Variants in GALNT17 observed in about 807,000 individuals in gnomAD.
GALNT17 encodes the protein polypeptide N-acetylgalactosaminyltransferase 17.
GALNT17 carries 29 observed loss-of-function variants against 63.7 expected under a neutral mutation model. That is an observed-to-expected ratio of 0.46 (90% CI 0.34 to 0.62). The LOEUF is 0.62. Ranked by LOEUF, GALNT17 falls within the 20% of genes least tolerant of loss-of-function variation. The pLI, the probability that GALNT17 is intolerant of heterozygous loss-of-function variation, is 0.01. For missense variants in GALNT17, 603 were observed against 799.6 expected (o/e 0.75, Z 2.97); for synonymous variants, 305 against 318.3 (o/e 0.96, Z 0.45).
intron 2 of GALNT17, among the ~76,000 whole-genome samples, chr7:71,367,386 G>T (rs758826899): frequency 1.3e-5 from 2 of 152,170 alleles, no homozygotes; most frequent in Non-Finnish European, 2.9e-5. Context: ...ATGTGTGCAG[G>T]GGAGGTGGGA....
intron 1 of GALNT17, among the ~76,000 whole-genome samples, chr7:71,303,096 C>T (rs1321268080): frequency 6.6e-6 from 1 of 151,972 alleles, no homozygotes; most frequent in Non-Finnish European, 1.5e-5. Context: ...ATCTCCTGAC[C>T]TCATGATCCA....
At chr7:71,696,874 T>C (rs1791553539) in intron 9 of GALNT17, among the ~76,000 whole-genome samples, 1 of 152,142 alleles carries the variant, frequency 6.6e-6, no homozygotes, top group South Asian at 2.1e-4. Context: ...TAATGCTGGA[T>C]AAAAATGGGT....
At chr7:71,525,448 T>C (rs1788607861) in intron 5 of GALNT17, among the ~76,000 whole-genome samples, 1 of 152,130 alleles carries the variant, frequency 6.6e-6, no homozygotes, top group South Asian at 2.1e-4. Context: ...CCTCATGATC[T>C]GCCCTCCTCG....
At chr7:71,652,498 G>C (rs1790767880) in intron 6 of GALNT17, among the ~76,000 whole-genome samples, 1 of 152,148 alleles carries the variant, frequency 6.6e-6, no homozygotes, top group South Asian at 2.1e-4. Flanking sequence ...ATTTTCAGGA[G>C]TAGTAGCTTG....
At chr7:71,143,407 CAAAAAA>C (rs66560650) in intron 1 of GALNT17, among the ~76,000 whole-genome samples, 1 of 116,990 alleles carries the variant, frequency 8.5e-6, no homozygotes, top group Non-Finnish European at 1.7e-5. Flanking sequence ...GAGACTGTCT[CAAAAAA>C]AAAAAAAAAA....
intron 1 of GALNT17, among the ~76,000 whole-genome samples, chr7:71,275,436 C>G (rs1030078866): frequency 6.6e-6 from 1 of 152,140 alleles, no homozygotes; most frequent in Non-Finnish European, 1.5e-5. Context: ...TTCCCAGGCC[C>G]CACCTTCAGA....
At chr7:71,319,094 T>C (rs572134056) in intron 1 of GALNT17, among the ~76,000 whole-genome samples, 886 of 49,222 alleles carry the variant, frequency 0.018, 10 homozygotes, top group African/African-American at 0.032. Flanking sequence ...CTATTTTTGT[T>C]TATCTTTCTT....
At chr7:71,200,813 A>G (rs1337161641) in intron 1 of GALNT17, among the ~76,000 whole-genome samples, 1 of 151,910 alleles carries the variant, frequency 6.6e-6, no homozygotes, top group African/African-American at 2.4e-5. Context: ...GGTCGTTTCT[A>G]TTTTTTTAAA....
chr7:71,512,975 T>G (rs1788385715), intron 5 of GALNT17, among the ~76,000 whole-genome samples: 1 of 152,222 alleles, frequency 6.6e-6, no homozygotes, highest in Admixed American at 6.5e-5. Flanking sequence ...ACTGAAACAC[T>G]ACATTAAATA....
chr7:71,645,220 G>C (rs1224791109), intron 6 of GALNT17, among the ~76,000 whole-genome samples: 1 of 152,220 alleles, frequency 6.6e-6, no homozygotes, highest in East Asian at 1.9e-4. Context: ...TATCATAAGT[G>C]GATTAGGTCT....
At chr7:71,447,501 C>T (rs1320074773) in intron 5 of GALNT17, among the ~76,000 whole-genome samples, 1 of 148,458 alleles carries the variant, frequency 6.7e-6, no homozygotes, top group Non-Finnish European at 1.5e-5. Context: ...AATCTAAAAT[C>T]AAAAAAAAAA....
chr7:71,171,567 A>G (rs1053490886), intron 1 of GALNT17, among the ~76,000 whole-genome samples: 2 of 152,180 alleles, frequency 1.3e-5, no homozygotes, highest in African/African-American at 4.8e-5. Context: ...TGTGTATCCC[A>G]CCGTAATGGA....
At chr7:71,495,342 CA>C (rs1788077520) in intron 5 of GALNT17, among the ~76,000 whole-genome samples, 1 of 151,980 alleles carries the variant, frequency 6.6e-6, no homozygotes, top group Non-Finnish European at 1.5e-5. Context: ...AGAAGACAAG[CA>C]AAGACACTGT....
intron 1 of GALNT17, among the ~76,000 whole-genome samples, chr7:71,274,225 G>T (rs556515749): frequency 2.6e-5 from 4 of 152,196 alleles, no homozygotes; most frequent in African/African-American, 9.6e-5. Context: ...GGCTCTGGGG[G>T]AGCTGGCTTC....
At chr7:71,145,229 CTG>C (rs758879989) in intron 1 of GALNT17, among the ~76,000 whole-genome samples, 3 of 152,100 alleles carry the variant, frequency 2.0e-5, no homozygotes, top group Admixed American at 6.5e-5. Flanking sequence ...AAAGGGAAAA[CTG>C]AACGCTTCAT....
chr7:71,170,323 T>G (rs920636094), intron 1 of GALNT17, among the ~76,000 whole-genome samples: 1 of 151,978 alleles, frequency 6.6e-6, no homozygotes, highest in Admixed American at 6.6e-5. Flanking sequence ...AAGCTTTATT[T>G]TTTATTATTT....
chr7:71,259,638 G>GTTTTTTTTTTTTTTTTTTTTTTTTTT (rs1219751607), intron 1 of GALNT17, among the ~76,000 whole-genome samples: 1 of 137,970 alleles, frequency 7.2e-6, no homozygotes. Context: ...TTTGTTTTTT[G>GTTTTTTTTTTTTTTTTTTTTTTTTTT]TTTTTTTGTT....
chr7:71,289,517 CT>C (rs1219763091), intron 1 of GALNT17, among the ~76,000 whole-genome samples: 1 of 152,078 alleles, frequency 6.6e-6, no homozygotes, highest in Non-Finnish European at 1.5e-5. Flanking sequence ...GGGCGGATCA[CT>C]TGAGGTCAGG....
At chr7:71,253,770 A>G (rs1336951451) in intron 1 of GALNT17, among the ~76,000 whole-genome samples, 1 of 152,212 alleles carries the variant, frequency 6.6e-6, no homozygotes, top group Non-Finnish European at 1.5e-5. Flanking sequence ...CTCTGATTCT[A>G]AAAAATTTCT....
Sources: allele counts gnomAD v4.1 joint callset (sites outside exome capture counted in the v4.1 genomes callset), GRCh38; gene constraint gnomAD v4.1.1; transcripts MANE v1.5; gene names NCBI Gene and HGNC (gene_info 2026-07-23, HGNC 2026-07-21).